The following CYP20A1 variants were observed in gnomAD, a reference collection of about 807,000 sequenced individuals.
CYP20A1 encodes cytochrome P450 20A1.
A neutral mutation model predicts 61.4 loss-of-function variants in CYP20A1; 61 were observed. That is an observed-to-expected ratio of 0.99 (90% confidence interval 0.81 to 1.23). The LOEUF (loss-of-function observed/expected upper bound fraction) is 1.23. Ranked by LOEUF, CYP20A1 falls within the 50% of genes most tolerant of loss-of-function variation. The probability of loss-of-function intolerance (pLI) is 0.00; values close to 1 mark genes in which losing one functional copy is unlikely to be tolerated. For synonymous variants in CYP20A1, 193 were observed against 188.2 expected (o/e 1.03, Z -0.21); for missense variants, 530 against 542.4 (o/e 0.98, Z 0.23).
In CYP20A1 at chr2:203,299,035, C is replaced by CAA. The variant is rs879654585; in HGVS notation, c.*2136_*2137dup. 6.9e-6 allele frequency among the ~76,000 whole-genome samples: 1 copy of CAA among 145,380 alleles called. No homozygotes were observed. The highest frequency in any genetic ancestry group is 1.5e-5 in the Non-Finnish European group (1 of 66,038). On this transcript the variant is annotated 3_prime_UTR_variant, in exon 13 of 13. Transcript: ENST00000356079. Reference sequence around the variant, plus strand: ...GGGCGACAGGGCTGAGACCTTGTCTCAAAAAAAAAAGGAGTATCTTAAGTG... The same window carrying CAA: ...GGGCGACAGGGCTGAGACCTTGTCTCAAAAAAAAAAAAGGAGTATCTTAAGTG...
At chr2:203,292,908 G>A (rs2068599514) in intron 11 of CYP20A1, among the ~76,000 whole-genome samples, 1 of 152,084 alleles carries the variant, frequency 6.6e-6, no homozygotes, top group African/African-American at 2.4e-5. Context: ...GGGCACCGTG[G>A]CTCATGCCTG....
At chr2:203,286,502 T>C (rs1031854636) in intron 9 of CYP20A1, among the ~76,000 whole-genome samples, 114 of 152,192 alleles carry the variant, frequency 7.5e-4, no homozygotes, top group African/African-American at 2.4e-3. Context: ...TACCATAGAA[T>C]ACTACCAAGT....
intron 4 of CYP20A1, among the ~76,000 whole-genome samples, chr2:203,262,659 A>G (rs1335697350): frequency 1.3e-5 from 2 of 151,870 alleles, no homozygotes; most frequent in Non-Finnish European, 2.9e-5. Flanking sequence ...TATTTCTGTC[A>G]TATACAAGTT....
In CYP20A1 at chr2:203,304,985, A is replaced by G. The variant is rs942736775; in HGVS notation, c.*8077A>G. ...TATACCTTTATTACTTCATTTTTGT[A>G]AGAGCTTCAGGGAATAGGCTTTTTT... On this transcript the variant is annotated 3_prime_UTR_variant, in exon 13 of 13. Transcript: ENST00000356079. Among the ~76,000 whole-genome samples the G allele has an allele frequency of 2.6e-5, 4 of 152,114 alleles. No homozygotes were observed. Among genetic ancestry groups the G allele is most frequent in the Admixed American group, 2.0e-4 (3 of 15,252 alleles).
intron 5 of CYP20A1, among the ~76,000 whole-genome samples, chr2:203,271,611 G>T (rs914744436): frequency 4.6e-5 from 7 of 152,062 alleles, no homozygotes; most frequent in African/African-American, 1.7e-4. Flanking sequence ...AGCCTATTCT[G>T]CTGCTTATCA....
chr2:203,272,120 A>G (rs1010503874), intron 5 of CYP20A1, among the ~76,000 whole-genome samples: 2 of 152,120 alleles, frequency 1.3e-5, no homozygotes, highest in African/African-American at 4.8e-5. Flanking sequence ...TTCACTTTCC[A>G]TTTCTTATTA....
intron 6 of CYP20A1, among the ~76,000 whole-genome samples, chr2:203,273,760 A>G (rs1009554038): frequency 6.6e-6 from 1 of 152,162 alleles, no homozygotes; most frequent in Non-Finnish European, 1.5e-5. Flanking sequence ...TCTAGCCAAC[A>G]TAGTGAAACC....
At chr2:203,271,080 ATATTTTTTTT>A in intron 5 of CYP20A1, among the ~76,000 whole-genome samples, 1 of 39,144 alleles carries the variant, frequency 2.6e-5, no homozygotes, top group South Asian at 1.5e-3. Context: ...ATATATATAT[ATATTTTTTTT>A]TTTTTTTTTT....
Position 203,246,851 on chromosome 2 carries a change from TGGCAGGCGCCTCGTGGTTAGTTTG to T in CYP20A1, c.224_247del (p.Arg75_Gly82del). ...ATGGGCCTGTGGTCTCCTTCTGGTT[TGGCAGGCGCCTCGTGGTTAGTTTG>T]GGCACTGTTGATGTACTGAAGCAGC... is the stretch of plus-strand genomic sequence containing the variant. On this transcript the variant is annotated inframe_deletion, in exon 3 of 13. Transcript: ENST00000356079. The T allele has an allele frequency of 6.2e-7, 1 of 1,614,208 alleles. No homozygotes were observed. Among genetic ancestry groups the T allele is most frequent in the Non-Finnish European group, 8.5e-7 (1 of 1,180,040 alleles).
intron 5 of CYP20A1, among the ~76,000 whole-genome samples, chr2:203,268,676 T>C (rs2067434359): frequency 6.6e-6 from 1 of 152,208 alleles, no homozygotes; most frequent in South Asian, 2.1e-4. Context: ...TTTTTTTTAT[T>C]TGTATAAATT....
intron 4 of CYP20A1, among the ~76,000 whole-genome samples, chr2:203,265,968 G>A (rs1207296784): frequency 6.6e-6 from 1 of 152,146 alleles, no homozygotes; most frequent in Non-Finnish European, 1.5e-5. Flanking sequence ...AGGATTACAG[G>A]TATGAACCAC....
Position 203,272,816 on chromosome 2 carries a change from C to G in CYP20A1, c.679+68C>G, listed in dbSNP as rs552769911. ...TGTGCCCCAGTTTTAATAAAGTAAT[C>G]TCTGAATAGTGAGATTAAAGGTCAT... On this transcript the variant is annotated intron_variant, in intron 6 of 12. Coordinates refer to ENST00000356079, the MANE Select transcript of CYP20A1 (RefSeq NM_177538.3). The G allele has an allele frequency of 1.1e-5, 10 of 903,754 alleles. No individual in the cohort carries two copies. The South Asian group carries it at 1.6e-4, about 14-fold the overall frequency. 56.0% of individuals were successfully genotyped at this position (903,754 alleles called of 1,614,324 possible).
intron 10 of CYP20A1, 80 bp from the exon 11 acceptor site, chr2:203,292,182 G>T: frequency 1.3e-6 from 1 of 791,996 alleles, no homozygotes; most frequent in Non-Finnish European, 2.1e-6. Flanking sequence ...TATATTAAAA[G>T]AAGTTTGGAA....
intron 4 of CYP20A1, among the ~76,000 whole-genome samples, chr2:203,254,467 C>T (rs1180340671): frequency 6.6e-6 from 1 of 151,456 alleles, no homozygotes; most frequent in East Asian, 2.0e-4. Flanking sequence ...ATCATGTGAA[C>T]CAAGGAGGTG....
chr2:203,259,464 C>CT (rs1384225189), intron 4 of CYP20A1: 1 of 152,164 alleles, frequency 6.6e-6, no homozygotes, highest in East Asian at 1.9e-4. Context: ...CACCTTCCCC[C>CT]CTCTCTCTTG....
intron 6 of CYP20A1, among the ~76,000 whole-genome samples, chr2:203,277,862 TCTATCC>T: frequency 6.6e-6 from 1 of 152,308 alleles, no homozygotes; most frequent in East Asian, 1.9e-4. Context: ...CACATCTGTT[TCTATCC>T]CTAAATAAGT....
At chr2:203,246,683 A>C in intron 2 of CYP20A1, 72 bp from the exon 3 acceptor site, 1 of 1,437,750 alleles carries the variant, frequency 7.0e-7, no homozygotes, top group Non-Finnish European at 9.6e-7. Flanking sequence ...CAGTTAATTC[A>C]GAGTCAACTG....
chr2:203,242,828 A>G (rs1211869534), intron 1 of CYP20A1, among the ~76,000 whole-genome samples: 2 of 151,946 alleles, frequency 1.3e-5, no homozygotes, highest in East Asian at 1.9e-4. Flanking sequence ...GTCTGTTACT[A>G]TAACCACTCC....
At chr2:203,288,958 A>G (rs551645930) in intron 9 of CYP20A1, among the ~76,000 whole-genome samples, 2 of 152,316 alleles carry the variant, frequency 1.3e-5, no homozygotes, top group Non-Finnish European at 2.9e-5. Context: ...GCAAGATTGC[A>G]ATACATTTTA....
Sources: allele counts gnomAD v4.1 joint callset (sites outside exome capture counted in the v4.1 genomes callset), GRCh38; gene constraint gnomAD v4.1.1; transcripts MANE v1.5; gene names NCBI Gene and HGNC (gene_info 2026-07-23, HGNC 2026-07-21).